Variants in CYP4F11 observed in about 807,000 individuals in gnomAD.
CYP4F11 encodes cytochrome P450 4F11.
In CYP4F11, 79 loss-of-function variants were observed where a neutral mutation model predicts 62.2. The observed-to-expected ratio is 1.27, with a 90% CI of 1.06 to 1.53. CYP4F11 has a LOEUF of 1.53. Among genes scored for constraint, CYP4F11 ranks in the 40% most tolerant of loss-of-function variants. CYP4F11 has a pLI of 0.00. For missense variants in CYP4F11, 777 were observed against 680.5 expected, an observed-to-expected ratio of 1.14 and a Z score of -1.58; for synonymous variants, 290 against 263.7, an observed-to-expected ratio of 1.10 and a Z score of -0.97.
chr19:15,925,681 T>C (rs1009526127), intron 4 of CYP4F11, among the ~76,000 whole-genome samples: 2 of 149,172 alleles, frequency 1.3e-5, no homozygotes, highest in Non-Finnish European at 3.0e-5. Flanking sequence ...TTAAAGCAAA[T>C]GTGTGTGTGT....
chr19:15,928,306 A>G (rs1450586484), intron 2 of CYP4F11, among the ~76,000 whole-genome samples: 5 of 152,228 alleles, frequency 3.3e-5, no homozygotes. Context: ...TCCCAGGTGG[A>G]AGCATATACC....
intron 8 of CYP4F11, among the ~76,000 whole-genome samples, chr19:15,921,342 G>A (rs1156976391): frequency 6.6e-6 from 1 of 152,200 alleles, no homozygotes; most frequent in East Asian, 1.9e-4. Flanking sequence ...GAGTGGCTGG[G>A]ATTACAGGTG....
chr19:15,914,958 C>T (rs1599369958), intron 8 of CYP4F11, 63 bp from the exon 9 acceptor site: 2 of 1,587,182 alleles, frequency 1.3e-6, no homozygotes, highest in South Asian at 1.2e-5. Context: ...TCCAGCTTCT[C>T]TGTTTCCAAG....
At chr19:15,914,166 C>T (rs1367147965) in intron 11 of CYP4F11, 139 bp downstream of exon 11, 3 of 1,201,000 alleles carry the variant, frequency 2.5e-6, no homozygotes, top group Non-Finnish European at 3.6e-6. Flanking sequence ...CTTCCCAAAC[C>T]CATTCTGTGA....
chr19:15,929,294 T>TG (rs1476750362), intron 2 of CYP4F11, among the ~76,000 whole-genome samples, 163 bp downstream of exon 2: 4 of 151,802 alleles, frequency 2.6e-5, no homozygotes, highest in African/African-American at 2.4e-5. Context: ...GACGCTGACA[T>TG]GGGGGGTTCG....
intron 8 of CYP4F11, among the ~76,000 whole-genome samples, chr19:15,916,035 C>A (rs2089581104): frequency 6.6e-6 from 1 of 151,958 alleles, no homozygotes; most frequent in Non-Finnish European, 1.5e-5. Context: ...TTCACCATAG[C>A]AACAAAATAT....
chr19:15,915,925 A>G (rs1372733995), intron 8 of CYP4F11, among the ~76,000 whole-genome samples: 1 of 151,962 alleles, frequency 6.6e-6, no homozygotes, highest in Non-Finnish European at 1.5e-5. Context: ...TAATAATGAT[A>G]ATAATATAAA....
At chr19:15,934,169 A>G (rs369915562) in intron 1 of CYP4F11, 42 bp downstream of exon 1, 2 of 1,600,668 alleles carry the variant, frequency 1.2e-6, no homozygotes, top group African/African-American at 1.3e-5. Flanking sequence ...CAGGAACTCC[A>G]TGCATCCTGA....
chr19:15,927,675 G>A (rs1198034609), intron 2 of CYP4F11, 192 bp from the exon 3 acceptor site: 4 of 667,352 alleles, frequency 6.0e-6, no homozygotes, highest in African/African-American at 3.6e-5. Context: ...CAGCGACAGA[G>A]TAGAGCAATA....
At chr19:15,934,574 A>G, upstream of CYP4F11, 1 of 782,718 alleles carries the variant, frequency 1.3e-6, no homozygotes, top group East Asian at 3.1e-5. Flanking sequence ...AGAAATGCCC[A>G]ATGAAAACCA....
intron 8 of CYP4F11, among the ~76,000 whole-genome samples, chr19:15,918,799 C>A (rs568743363): frequency 2.0e-5 from 3 of 152,032 alleles, no homozygotes; most frequent in Admixed American, 1.3e-4. Context: ...CTGTGTCACA[C>A]AATGCAGGCT....
intron 11 of CYP4F11, 126 bp downstream of exon 11, chr19:15,914,179 A>C: frequency 8.0e-7 from 1 of 1,255,732 alleles, no homozygotes; most frequent in Non-Finnish European, 1.1e-6. Context: ...TTCTGTGAAC[A>C]GTTGCCCATG....
chr19:15,919,474 A>AGAT (rs1174544934), intron 8 of CYP4F11, among the ~76,000 whole-genome samples: 9 of 63,644 alleles, frequency 1.4e-4, no homozygotes, highest in African/African-American at 4.7e-4. Flanking sequence ...ACAGATGTAT[A>AGAT]GATAGATAGA....
In CYP4F11 at chr19:15,931,536, GTGAGCGGGGAGAGGAA is replaced by G. The variant is rs1460338484; in HGVS notation, c.199-1951_199-1936del. Among the ~76,000 whole-genome samples, 51 of 104,080 alleles carry G rather than the reference GTGAGCGGGGAGAGGAA, an allele frequency of 4.9e-4. 6 individuals are homozygous for G. The highest frequency in any genetic ancestry group is 1.4e-3 in the African/African-American group (40 of 28,534). The allele number at this position is 104,080 out of a possible 152,430, so 68.3% of individuals were successfully genotyped here. A position where few individuals can be genotyped will look rare whatever the true frequency, so the allele number is the denominator to read the frequency against. On this transcript the variant is annotated intron_variant, in intron 1 of 11. Transcript: ENST00000402119. Reference sequence around the variant, plus strand: ...TTGGGATGGCACATCAGAGGAATGAGTGAGCGGGGAGAGGAATGAGTGAGCGAGGAGAGGAATGAGT... The same window carrying G: ...TTGGGATGGCACATCAGAGGAATGAGTGAGTGAGCGAGGAGAGGAATGAGT...
At chr19:15,913,997 G>C in intron 11 of CYP4F11, 88 bp from the exon 12 acceptor site, 1 of 1,472,592 alleles carries the variant, frequency 6.8e-7, no homozygotes, top group Non-Finnish European at 9.2e-7. Flanking sequence ...GACCCCAAAC[G>C]CACCCACATA....
In CYP4F11 at chr19:15,933,881, C is replaced by T. The variant is rs199567452; in HGVS notation, c.198+330G>A. On this transcript the variant is annotated intron_variant, in intron 1 of 11. Transcript: ENST00000402119. ...GTGAGTGAGCAGAGGAATGAGTGAGCGAGAAGAGGAATGAGTGAGTGGGCA... is the reference window on the plus strand; with the variant it reads ...GTGAGTGAGCAGAGGAATGAGTGAGTGAGAAGAGGAATGAGTGAGTGGGCA... Among the ~76,000 whole-genome samples, 103 of 44,914 alleles carry T rather than the reference C, an allele frequency of 2.3e-3. 15 individuals are homozygous for T. Among genetic ancestry groups the T allele is most frequent in the African/African-American group, 0.01 (97 of 9,378 alleles). The allele number at this position is 44,914 out of a possible 152,430, so 29.5% of individuals were successfully genotyped here. A position where few individuals can be genotyped will look rare whatever the true frequency, so the allele number is the denominator to read the frequency against.
intron 2 of CYP4F11, 123 bp downstream of exon 2, chr19:15,929,334 T>C: frequency 2.3e-6 from 3 of 1,299,758 alleles, no homozygotes; most frequent in Non-Finnish European, 2.2e-6. Flanking sequence ...GGAACATGGC[T>C]GAGAGAGAAG....
chr19:15,920,904 T>C (rs1241295226), intron 8 of CYP4F11, among the ~76,000 whole-genome samples: 1 of 151,936 alleles, frequency 6.6e-6, no homozygotes, highest in African/African-American at 2.4e-5. Context: ...CCCTCTCTCT[T>C]TCTTTCTCTC....
At chr19:15,920,842 T>A (rs1278495231) in intron 8 of CYP4F11, among the ~76,000 whole-genome samples, 2 of 152,156 alleles carry the variant, frequency 1.3e-5, no homozygotes, top group Non-Finnish European at 2.9e-5. Context: ...AGGTTCATCA[T>A]CTCATCATGA....
Sources: allele counts gnomAD v4.1 joint callset (sites outside exome capture counted in the v4.1 genomes callset), GRCh38; gene constraint gnomAD v4.1.1; transcripts MANE v1.5; gene names NCBI Gene and HGNC (gene_info 2026-07-23, HGNC 2026-07-21).